MSRA: variants seen among roughly 807,000 people sequenced by gnomAD.
MSRA encodes methionine sulfoxide reductase A.
MSRA carries 54 observed loss-of-function variants against 31.3 expected under a neutral mutation model. That is an observed-to-expected ratio of 1.73 (90% confidence interval 1.39 to 2.17). The LOEUF (loss-of-function observed/expected upper bound fraction) is 2.17. Among genes scored for constraint, MSRA ranks in the 30% most tolerant of loss-of-function variants. The probability of loss-of-function intolerance (pLI) is 0.00; values close to 1 mark genes in which losing one functional copy is unlikely to be tolerated. For missense variants in MSRA, 507 were observed against 300.9 expected, an observed-to-expected ratio of 1.69 and a Z score of -5.07; for synonymous variants, 169 against 116.5, an observed-to-expected ratio of 1.45 and a Z score of -2.90.
chr8:10,112,181 C>G (rs867498890), intron 1 of MSRA, among the ~76,000 whole-genome samples: 19 of 152,142 alleles, frequency 1.2e-4, no homozygotes, highest in Admixed American at 3.3e-4. Context: ...CAACTCACCA[C>G]AATCACGTAG....
intron 5 of MSRA, among the ~76,000 whole-genome samples, chr8:10,408,504 C>T (rs1300955463): frequency 6.6e-6 from 1 of 152,086 alleles, no homozygotes; most frequent in Non-Finnish European, 1.5e-5. Context: ...CATACCACTA[C>T]AATCCAGCCT....
At chr8:10,373,290 G>T (rs1184318031) in intron 5 of MSRA, among the ~76,000 whole-genome samples, 3 of 152,248 alleles carry the variant, frequency 2.0e-5, no homozygotes, top group Admixed American at 2.0e-4. Flanking sequence ...GTCAACCAAG[G>T]ACTGAAAGAT....
intron 5 of MSRA, among the ~76,000 whole-genome samples, chr8:10,414,172 A>G (rs75083845): frequency 6.0e-5 from 9 of 149,272 alleles, no homozygotes; most frequent in South Asian, 2.1e-4. Context: ...GTCTATGAAG[A>G]AAAAAAAAAC....
At chr8:10,359,989 T>G (rs1187620218) in intron 5 of MSRA, among the ~76,000 whole-genome samples, 1 of 152,198 alleles carries the variant, frequency 6.6e-6, no homozygotes, top group African/African-American at 2.4e-5. Flanking sequence ...CTCCTTCCTT[T>G]ATCTCTGTTA....
chr8:10,233,404 T>C (rs898012948), intron 2 of MSRA, among the ~76,000 whole-genome samples: 3 of 152,222 alleles, frequency 2.0e-5, no homozygotes, highest in African/African-American at 7.2e-5. Flanking sequence ...TTGACTCGAG[T>C]TAATTTTTTA....
At chr8:10,084,055 G>T (rs1798423428) in intron 1 of MSRA, among the ~76,000 whole-genome samples, 1 of 152,226 alleles carries the variant, frequency 6.6e-6, no homozygotes. Context: ...GACTTGTGCA[G>T]TGTCACATCT....
chr8:10,152,537 A>T (rs1365070705), intron 1 of MSRA, among the ~76,000 whole-genome samples: 1 of 152,202 alleles, frequency 6.6e-6, no homozygotes, highest in African/African-American at 2.4e-5. Flanking sequence ...CTTCAGCTAA[A>T]TCAGGTCTTG....
At chr8:10,338,930 A>C (rs1386753123) in intron 5 of MSRA, among the ~76,000 whole-genome samples, 1 of 152,238 alleles carries the variant, frequency 6.6e-6, no homozygotes, top group African/African-American at 2.4e-5. Flanking sequence ...CTACAAATTT[A>C]AGTAAGGTTT....
At chr8:10,161,227 A>C (rs1242251183) in intron 1 of MSRA, among the ~76,000 whole-genome samples, 1 of 152,202 alleles carries the variant, frequency 6.6e-6, no homozygotes, top group Non-Finnish European at 1.5e-5. Flanking sequence ...CATTCCTCAG[A>C]GCATTGCTGA....
At chr8:10,303,370 C>CG (rs1372320411) in intron 4 of MSRA, among the ~76,000 whole-genome samples, 1 of 152,144 alleles carries the variant, frequency 6.6e-6, no homozygotes, top group Non-Finnish European at 1.5e-5. Context: ...CCCTGAACCT[C>CG]GGGGGGAATA....
chr8:10,275,944 A>G (rs191359012), intron 3 of MSRA, among the ~76,000 whole-genome samples: 35 of 152,330 alleles, frequency 2.3e-4, no homozygotes, highest in African/African-American at 7.7e-4. Flanking sequence ...TTAATTGCTC[A>G]TGAAAAGTGA....
intron 3 of MSRA, among the ~76,000 whole-genome samples, chr8:10,300,125 TG>T: frequency 2.9e-5 from 1 of 34,036 alleles, no homozygotes; most frequent in Non-Finnish European, 4.6e-5. Context: ...GGAAGAAATT[TG>T]TGTGTGTGTG....
chr8:10,304,018 C>G (rs1350773016), intron 4 of MSRA, among the ~76,000 whole-genome samples: 2 of 152,218 alleles, frequency 1.3e-5, no homozygotes, highest in Non-Finnish European at 2.9e-5. Context: ...TCACTGAACC[C>G]TCCACCTCCC....
At chr8:10,145,687 T>A (rs1257603535) in intron 1 of MSRA, among the ~76,000 whole-genome samples, 2 of 152,212 alleles carry the variant, frequency 1.3e-5, no homozygotes, top group Non-Finnish European at 2.9e-5. Context: ...TTCCCTGAAA[T>A]GTGTAAGACA....
At chr8:10,128,730 G>A (rs545433809) in intron 1 of MSRA, among the ~76,000 whole-genome samples, 64 of 152,290 alleles carry the variant, frequency 4.2e-4, no homozygotes, top group Admixed American at 2.6e-4. Context: ...TAGAGAGCAC[G>A]GAAGAGTTGC....
chr8:10,360,680 C>G (rs145288852), intron 5 of MSRA, among the ~76,000 whole-genome samples: 1 of 152,316 alleles, frequency 6.6e-6, no homozygotes, highest in African/African-American at 2.4e-5. Flanking sequence ...AGCCCCAAAG[C>G]AGGCACAATT....
chr8:10,210,665 T>A (rs1809395260), intron 2 of MSRA, among the ~76,000 whole-genome samples: 1 of 152,168 alleles, frequency 6.6e-6, no homozygotes, highest in Non-Finnish European at 1.5e-5. Context: ...CACTTGTAAT[T>A]GTTTAGACCC....
chr8:10,422,972 G>A (rs146284208), intron 5 of MSRA, among the ~76,000 whole-genome samples: 13 of 152,340 alleles, frequency 8.5e-5, no homozygotes, highest in African/African-American at 1.4e-4. Context: ...TCTTGAGGCC[G>A]GAGCGCCACT....
chr8:10,291,865 T>G (rs1437285039), intron 3 of MSRA, among the ~76,000 whole-genome samples: 1 of 152,184 alleles, frequency 6.6e-6, no homozygotes, highest in Non-Finnish European at 1.5e-5. Context: ...GTCAAGTCTT[T>G]TTATTTTAAA....
Sources: gnomAD v4.1 joint callset for allele counts (sites outside exome capture counted in the v4.1 genomes callset) on GRCh38, gnomAD v4.1.1 for gene constraint, MANE v1.5 for transcripts, NCBI Gene and HGNC (gene_info 2026-07-23, HGNC 2026-07-21) for gene names.